Variants in FSTL5 observed in about 807,000 individuals in gnomAD.
The protein encoded by FSTL5 is follistatin like 5, also known as follistatin-related protein 5.
A neutral mutation model predicts 89.1 loss-of-function variants in FSTL5; 62 were observed. That is an observed-to-expected ratio of 0.70 (90% CI 0.57 to 0.86). The LOEUF is 0.86. FSTL5 is among the 40% of genes least tolerant of loss of function. FSTL5 has a pLI of 0.00. For missense variants in FSTL5, 1,057 were observed against 1,001.6 expected, an observed-to-expected ratio of 1.06 and a Z score of -0.75; for synonymous variants, 383 against 346.2, an observed-to-expected ratio of 1.11 and a Z score of -1.18.
chr4:161,590,799 G>A (rs1048291287), intron 7 of FSTL5, among the ~76,000 whole-genome samples: 1 of 152,196 alleles, frequency 6.6e-6, no homozygotes, highest in Non-Finnish European at 1.5e-5. Flanking sequence ...CTAGTGAGAA[G>A]ATTAAATGGT....
intron 5 of FSTL5, among the ~76,000 whole-genome samples, chr4:161,773,603 C>T (rs1462648251): frequency 6.6e-6 from 1 of 152,232 alleles, no homozygotes; most frequent in African/African-American, 2.4e-5. Context: ...TGCTCAACAT[C>T]ACTAATGGTC....
At chr4:161,938,940 A>G (rs907271300) in intron 3 of FSTL5, among the ~76,000 whole-genome samples, 1 of 151,978 alleles carries the variant, frequency 6.6e-6, no homozygotes, top group Admixed American at 6.6e-5. Context: ...TTAGCTTATT[A>G]ATCAATAATT....
At chr4:161,729,154 G>A (rs894693485) in intron 6 of FSTL5, among the ~76,000 whole-genome samples, 1 of 152,118 alleles carries the variant, frequency 6.6e-6, no homozygotes, top group Admixed American at 6.5e-5. Flanking sequence ...TTTACTTTCA[G>A]TAACACTGAA....
At chr4:161,533,120 G>T (rs989293474) in intron 10 of FSTL5, among the ~76,000 whole-genome samples, 1 of 150,830 alleles carries the variant, frequency 6.6e-6, no homozygotes, top group Non-Finnish European at 1.5e-5. Flanking sequence ...TGCATCAAGA[G>T]GTTAGAAAGA....
At position 161,385,998 on chromosome 4, in the gene FSTL5, C is replaced by A. The variant is rs749970033; in HGVS notation, c.2293G>T (p.Asp765Tyr). The change falls in exon 16 of 16, where the codon GAT becomes TAT. Residue 765 changes from aspartate to tyrosine, a missense_variant. Physicochemically the swap from Asp to Tyr is radical, Grantham distance 160 (BLOSUM62 -3). Transcript: ENST00000306100. ...NIYGSSSTQT[D>Y]VLFVELSSGK... is the part of the protein sequence containing the mutation. ...GAAGAGAGCTCCACAAAGAGCACATCAGTTTGTGTGCTTGAACTACCGTAG... is the reference window on the plus strand; with the variant it reads ...GAAGAGAGCTCCACAAAGAGCACATAAGTTTGTGTGCTTGAACTACCGTAG... The A allele has an allele frequency of 6.2e-7, 1 of 1,613,750 alleles. No homozygotes were observed. The highest frequency in any genetic ancestry group is 1.3e-5 in the African/African-American group (1 of 74,874).
chr4:162,092,947 CAAAAAA>C (rs57860357), intron 2 of FSTL5, among the ~76,000 whole-genome samples: 1 of 80,720 alleles, frequency 1.2e-5, no homozygotes, highest in African/African-American at 5.0e-5. Flanking sequence ...GACTCTGTCT[CAAAAAA>C]AAAAAAAAAA....
intron 8 of FSTL5, among the ~76,000 whole-genome samples, chr4:161,553,385 G>A (rs760300835): frequency 6.6e-6 from 1 of 150,998 alleles, no homozygotes; most frequent in Non-Finnish European, 1.5e-5. Context: ...GATACCAAAG[G>A]ATGTAAATAT....
At chr4:161,728,583 T>C (rs998822986) in intron 6 of FSTL5, among the ~76,000 whole-genome samples, 6 of 151,978 alleles carry the variant, frequency 3.9e-5, no homozygotes, top group African/African-American at 4.8e-5. Flanking sequence ...TAATCATATA[T>C]ATACACATAT....
intron 7 of FSTL5, among the ~76,000 whole-genome samples, chr4:161,611,675 C>T (rs74502189): frequency 0.018 from 2,814 of 152,128 alleles, 44 homozygotes; most frequent in South Asian, 0.047. Flanking sequence ...CATAGAAATG[C>T]TAATTTTGTA....
chr4:161,875,586 G>A (rs1732415786), intron 4 of FSTL5, among the ~76,000 whole-genome samples: 2 of 152,130 alleles, frequency 1.3e-5, no homozygotes, highest in Non-Finnish European at 2.9e-5. Flanking sequence ...TTGAGCCACT[G>A]GTCGGGTCCG....
intron 7 of FSTL5, among the ~76,000 whole-genome samples, chr4:161,607,221 G>T (rs542817559): frequency 6.6e-6 from 1 of 152,138 alleles, no homozygotes; most frequent in African/African-American, 2.4e-5. Flanking sequence ...TTATGAAAAT[G>T]TAGAGAAAAA....
At chr4:162,096,727 A>G (rs1327971593) in intron 2 of FSTL5, among the ~76,000 whole-genome samples, 1 of 151,948 alleles carries the variant, frequency 6.6e-6, no homozygotes, top group Non-Finnish European at 1.5e-5. Flanking sequence ...TTGCTTAAGT[A>G]TGAACAAGTT....
chr4:161,889,129 A>G (rs897138248), intron 4 of FSTL5, among the ~76,000 whole-genome samples: 7 of 152,208 alleles, frequency 4.6e-5, no homozygotes, highest in African/African-American at 1.7e-4. Flanking sequence ...CAATTAGAAT[A>G]GCAGTCTAAA....
At chr4:161,836,488 A>G (rs571041434) in intron 4 of FSTL5, among the ~76,000 whole-genome samples, 11 of 151,934 alleles carry the variant, frequency 7.2e-5, no homozygotes, top group Non-Finnish European at 1.5e-4. Flanking sequence ...AAAAGAAAAA[A>G]AAAAGTAAGA....
At chr4:161,482,117 G>A (rs904431634) in intron 12 of FSTL5, among the ~76,000 whole-genome samples, 5 of 151,922 alleles carry the variant, frequency 3.3e-5, no homozygotes, top group South Asian at 2.1e-4. Flanking sequence ...TCAGGAGATC[G>A]ATCCTGGCTA....
intron 15 of FSTL5, among the ~76,000 whole-genome samples, chr4:161,392,558 T>C (rs1028964698): frequency 1.3e-4 from 20 of 152,204 alleles, no homozygotes; most frequent in African/African-American, 4.3e-4. Context: ...TTGTAGATTG[T>C]ATTTCAAATA....
intron 3 of FSTL5, among the ~76,000 whole-genome samples, chr4:161,992,512 T>C (rs1411417054): frequency 6.6e-6 from 1 of 151,730 alleles, no homozygotes; most frequent in Admixed American, 6.6e-5. Flanking sequence ...GAGGAGCAAG[T>C]ATTCTGTTTT....
intron 15 of FSTL5, chr4:161,387,029 T>G: frequency 6.6e-6 from 1 of 152,184 alleles, no homozygotes; most frequent in East Asian, 1.9e-4. Context: ...AGAACTTTAT[T>G]TTTATATTAA....
intron 4 of FSTL5, among the ~76,000 whole-genome samples, chr4:161,890,260 T>C (rs1243126771): frequency 1.3e-5 from 2 of 152,188 alleles, no homozygotes; most frequent in Non-Finnish European, 2.9e-5. Context: ...GTTGGGTTGA[T>C]GGTACATTGA....
Sources: gnomAD v4.1 joint callset for allele counts (sites outside exome capture counted in the v4.1 genomes callset) on GRCh38, gnomAD v4.1.1 for gene constraint, MANE v1.5 for transcripts, NCBI Gene and HGNC (gene_info 2026-07-23, HGNC 2026-07-21) for gene names.